The following DNAJC1 variants were observed in gnomAD, a reference collection of about 807,000 sequenced individuals.
DNAJC1 encodes the protein dnaJ homolog subfamily C member 1.
In DNAJC1, 58 loss-of-function variants were observed where a neutral mutation model predicts 76.6. The ratio of observed to expected loss-of-function variants is 0.76; its 90% CI spans 0.61 to 0.94. The LOEUF is 0.94. Ranked by LOEUF, DNAJC1 falls within the 40% of genes least tolerant of loss-of-function variation. The pLI, the probability that DNAJC1 is intolerant of heterozygous loss-of-function variation, is 0.00. For missense variants in DNAJC1, 689 were observed against 677.3 expected (o/e 1.02, Z -0.19); for synonymous variants, 258 against 267.9 (o/e 0.96, Z 0.36).
intron 3 of DNAJC1, among the ~76,000 whole-genome samples, chr10:21,927,624 A>C (rs756812816): frequency 2.6e-5 from 4 of 152,238 alleles, no homozygotes; most frequent in Non-Finnish European, 5.9e-5. Flanking sequence ...AAAACACCAA[A>C]AGACTAGTCT....
intron 6 of DNAJC1, among the ~76,000 whole-genome samples, chr10:21,906,222 G>A (rs1590042440): frequency 1.3e-5 from 2 of 151,924 alleles, no homozygotes; most frequent in African/African-American, 4.8e-5. Context: ...CAAGCCCTAG[G>A]CCAGGTAAAC....
chr10:21,758,109 T>C (rs1016570508), intron 11 of DNAJC1, among the ~76,000 whole-genome samples: 1 of 152,168 alleles, frequency 6.6e-6, no homozygotes, highest in African/African-American at 2.4e-5. Flanking sequence ...CCCCAGGAAC[T>C]CTCAACTTTA....
chr10:21,839,826 G>A (rs1365233499), intron 8 of DNAJC1, among the ~76,000 whole-genome samples: 1 of 152,196 alleles, frequency 6.6e-6, no homozygotes, highest in Admixed American at 6.5e-5. Context: ...CAATATCCTT[G>A]ATGAACATCG....
chr10:21,769,962 A>C (rs1376574266), intron 9 of DNAJC1, among the ~76,000 whole-genome samples: 3 of 152,208 alleles, frequency 2.0e-5, no homozygotes, highest in Non-Finnish European at 4.4e-5. Context: ...CTGGGATTAC[A>C]GGCGTGAGCC....
At chr10:21,857,591 A>C (rs998308684) in intron 8 of DNAJC1, among the ~76,000 whole-genome samples, 21 of 152,182 alleles carry the variant, frequency 1.4e-4, no homozygotes, top group Non-Finnish European at 1.0e-4. Context: ...GAGAGAGAAG[A>C]AGGAAATCAG....
intron 1 of DNAJC1, among the ~76,000 whole-genome samples, chr10:21,933,942 A>G (rs1361504077): frequency 6.6e-6 from 1 of 152,170 alleles, no homozygotes; most frequent in African/African-American, 2.4e-5. Flanking sequence ...ATAAGCAACT[A>G]TGTTACAGGG....
At chr10:21,784,489 T>C (rs1403241855) in intron 9 of DNAJC1, among the ~76,000 whole-genome samples, 1 of 152,204 alleles carries the variant, frequency 6.6e-6, no homozygotes, top group African/African-American at 2.4e-5. Flanking sequence ...GAAGTCAGTG[T>C]GGTGATTCCT....
chr10:21,761,239 T>C (rs1379583479), intron 10 of DNAJC1, among the ~76,000 whole-genome samples: 3 of 152,160 alleles, frequency 2.0e-5, no homozygotes, highest in Admixed American at 2.0e-4. Context: ...ATGTTTCCTC[T>C]TTATAGTAGG....
intron 1 of DNAJC1, among the ~76,000 whole-genome samples, chr10:21,995,644 A>G (rs931519716): frequency 1.3e-5 from 2 of 152,254 alleles, no homozygotes; most frequent in Non-Finnish European, 2.9e-5. Flanking sequence ...CTGCCTCAGT[A>G]GCAATAAAAC....
chr10:21,807,437 T>C (rs533316896), intron 8 of DNAJC1, among the ~76,000 whole-genome samples: 4 of 152,296 alleles, frequency 2.6e-5, no homozygotes, highest in Admixed American at 1.3e-4. Context: ...TCTCCCCCAA[T>C]CAATGGTTCA....
chr10:21,832,433 C>T (rs887069373), intron 8 of DNAJC1, among the ~76,000 whole-genome samples: 29 of 152,260 alleles, frequency 1.9e-4, no homozygotes, highest in Non-Finnish European at 3.1e-4. Flanking sequence ...TGATGTATGT[C>T]CCATTTGCAT....
intron 8 of DNAJC1, among the ~76,000 whole-genome samples, chr10:21,855,402 T>C (rs1388635867): frequency 6.6e-6 from 1 of 152,196 alleles, no homozygotes; most frequent in East Asian, 1.9e-4. Flanking sequence ...ACTTATGTGA[T>C]AAATATCTTT....
At chr10:21,964,284 G>A (rs1054835824) in intron 1 of DNAJC1, among the ~76,000 whole-genome samples, 2 of 151,798 alleles carry the variant, frequency 1.3e-5, no homozygotes, top group East Asian at 1.9e-4. Flanking sequence ...GCACGATCTC[G>A]GCCCACTGCA....
chr10:21,837,111 C>T (rs1009605490), intron 8 of DNAJC1, among the ~76,000 whole-genome samples: 12 of 152,242 alleles, frequency 7.9e-5, no homozygotes, highest in Admixed American at 5.9e-4. Context: ...TGGGGTTTCG[C>T]TGTGTTGGCC....
chr10:21,873,383 C>T (rs1185351623), intron 8 of DNAJC1, among the ~76,000 whole-genome samples: 1 of 152,004 alleles, frequency 6.6e-6, no homozygotes, highest in Non-Finnish European at 1.5e-5. Context: ...AGAAGTAACT[C>T]ATGATTTTGA....
chr10:21,767,679 A>G (rs868073084), intron 9 of DNAJC1, among the ~76,000 whole-genome samples: 9 of 152,200 alleles, frequency 5.9e-5, no homozygotes, highest in Non-Finnish European at 1.0e-4. Context: ...ATCTCTGCCT[A>G]TGTAACCAAC....
intron 7 of DNAJC1, among the ~76,000 whole-genome samples, chr10:21,891,476 C>CAAAAAAAAAAAAAAAAAAAAAAAAAA (rs369729722): frequency 5.1e-5 from 2 of 38,848 alleles, no homozygotes; most frequent in African/African-American, 1.9e-4. Flanking sequence ...ACAAAGTAGA[C>CAAAAAAAAAAAAAAAAAAAAAAAAAA]AAAAAAAAAA....
intron 8 of DNAJC1, among the ~76,000 whole-genome samples, chr10:21,832,198 T>C (rs531993160): frequency 6.6e-6 from 1 of 152,328 alleles, no homozygotes; most frequent in East Asian, 1.9e-4. Flanking sequence ...TCCTGCAACA[T>C]TCCACTTTTT....
At chr10:21,849,913 C>T (rs936417768) in intron 8 of DNAJC1, among the ~76,000 whole-genome samples, 1 of 151,998 alleles carries the variant, frequency 6.6e-6, no homozygotes, top group Non-Finnish European at 1.5e-5. Context: ...TGACAAAATT[C>T]AACACCCTTT....
Sources: gnomAD v4.1 joint callset for allele counts (sites outside exome capture counted in the v4.1 genomes callset) on GRCh38, gnomAD v4.1.1 for gene constraint, MANE v1.5 for transcripts, NCBI Gene and HGNC (gene_info 2026-07-23, HGNC 2026-07-21) for gene names.